Variants in KALRN observed in about 807,000 individuals in gnomAD.
KALRN encodes kalirin RhoGEF kinase.
A neutral mutation model predicts 353.7 loss-of-function variants in KALRN; 70 were observed. The ratio of observed to expected loss-of-function variants is 0.20; its 90% CI spans 0.16 to 0.24. The LOEUF (loss-of-function observed/expected upper bound fraction) is 0.24, where lower values mean the gene tolerates loss of function less well. Among genes scored for constraint, KALRN ranks in the 10% least tolerant of loss-of-function variants. KALRN has a pLI of 1.00. For missense variants in KALRN, 2,791 were observed against 3,756.7 expected, an observed-to-expected ratio of 0.74 and a Z score of 6.72; for synonymous variants, 1,391 against 1,434.8, an observed-to-expected ratio of 0.97 and a Z score of 0.69.
intron 1 of KALRN, among the ~76,000 whole-genome samples, chr3:124,150,040 G>T (rs2067884008): frequency 6.6e-6 from 1 of 152,204 alleles, no homozygotes; most frequent in African/African-American, 2.4e-5. Flanking sequence ...GCCACTGGCT[G>T]AAGCCTTCCA....
chr3:124,606,758 A>G (rs2077387402), intron 34 of KALRN, among the ~76,000 whole-genome samples: 3 of 152,238 alleles, frequency 2.0e-5, no homozygotes, highest in Non-Finnish European at 4.4e-5. Context: ...CCCAGAATGT[A>G]TGAAGAGTTC....
rs141860179 is a variant in KALRN, at chr3:124,290,761, T to C, written c.970-8030T>C. Among the ~76,000 whole-genome samples the C allele has an allele frequency of 4.9e-4, 74 of 152,326 alleles. 1 individual carries two copies. The highest frequency in any genetic ancestry group is 8.7e-4 in the Non-Finnish European group (59 of 68,030). Reference sequence around the variant, plus strand: ...TAGGAGGATTAAGTGAGTTAATATATATAAAGTGCTTAGTACAGTACCTGT... The same window carrying C: ...TAGGAGGATTAAGTGAGTTAATATACATAAAGTGCTTAGTACAGTACCTGT... On this transcript the variant is annotated intron_variant, in intron 5 of 59. Coordinates refer to ENST00000682506, the MANE Select transcript of KALRN (RefSeq NM_001388419.1).
chr3:124,505,947 A>C (rs1199032079), intron 33 of KALRN, among the ~76,000 whole-genome samples: 1 of 152,178 alleles, frequency 6.6e-6, no homozygotes, highest in Non-Finnish European at 1.5e-5. Flanking sequence ...GTGTCACTTC[A>C]TCACTTCTGG....
intron 1 of KALRN, among the ~76,000 whole-genome samples, chr3:124,103,286 C>G (rs2062022601): frequency 6.6e-6 from 1 of 152,120 alleles, no homozygotes; most frequent in Non-Finnish European, 1.5e-5. Flanking sequence ...GTGTTTCCAT[C>G]CAGTGGGGTG....
At chr3:124,677,021 A>G (rs2087270879) in intron 49 of KALRN, among the ~76,000 whole-genome samples, 1 of 152,176 alleles carries the variant, frequency 6.6e-6, no homozygotes, top group South Asian at 2.1e-4. Context: ...TATTTTTGGA[A>G]CACCTTCCTC....
chr3:124,055,404 A>G (rs182515447), intron 1 of KALRN, among the ~76,000 whole-genome samples: 1 of 152,072 alleles, frequency 6.6e-6, no homozygotes, highest in Admixed American at 6.5e-5. Context: ...AGGTCATCTA[A>G]TTTCTTCTCT....
At chr3:124,112,053 C>G (rs1364301438) in intron 1 of KALRN, among the ~76,000 whole-genome samples, 1 of 152,046 alleles carries the variant, frequency 6.6e-6, no homozygotes, top group Non-Finnish European at 1.5e-5. Flanking sequence ...CCTGTAATCT[C>G]AGCATTTGGG....
intron 33 of KALRN, among the ~76,000 whole-genome samples, chr3:124,521,034 A>C (rs539850659): frequency 6.6e-6 from 1 of 152,292 alleles, no homozygotes; most frequent in Non-Finnish European, 1.5e-5. Context: ...AGGTGTTCAC[A>C]TCAAGGAACT....
At chr3:124,169,390 G>T (rs551814738) in intron 1 of KALRN, among the ~76,000 whole-genome samples, 1 of 152,234 alleles carries the variant, frequency 6.6e-6, no homozygotes, top group East Asian at 1.9e-4. Flanking sequence ...ACAGGGTAAG[G>T]GCTCACAGGA....
chr3:124,693,826 A>T lies in KALRN; in HGVS notation c.7400A>T (p.Gln2467Leu). 6.4e-7 allele frequency: 1 copy of T among 1,572,276 alleles called. No homozygotes were observed. Among genetic ancestry groups the T allele is most frequent in the South Asian group, 1.1e-5 (1 of 87,414 alleles). Residue 2467 changes from glutamine to leucine, a missense_variant, in exon 52 of 60, where the codon CAA (glutamine) becomes CTA (leucine). Physicochemically the swap from Gln to Leu is moderately radical, Grantham distance 113. Transcript: ENST00000682506. ...CAGATCTTAAATCCAAATTTCATCCAAGAAGGTGAGTTAAAAAGCATTAGA... is the reference window on the plus strand; with the variant it reads ...CAGATCTTAAATCCAAATTTCATCCTAGAAGGTGAGTTAAAAAGCATTAGA... Reference protein sequence around the residue: ...SMEILNPNFIQEVAPEFLVPL... With the variant: ...SMEILNPNFILEVAPEFLVPL...
intron 25 of KALRN, among the ~76,000 whole-genome samples, chr3:124,464,029 TATC>T (rs1432663873): frequency 3.9e-5 from 6 of 152,198 alleles, no homozygotes; most frequent in African/African-American, 1.4e-4. Flanking sequence ...GATGTAGAAA[TATC>T]ATGTCCTCAT....
At chr3:124,141,350 T>A (rs2066604868) in intron 1 of KALRN, among the ~76,000 whole-genome samples, 1 of 152,192 alleles carries the variant, frequency 6.6e-6, no homozygotes, top group Non-Finnish European at 1.5e-5. Context: ...CCAACCCCAC[T>A]TTTTTATACT....
intron 14 of KALRN, among the ~76,000 whole-genome samples, chr3:124,418,091 T>A (rs1414814133): frequency 6.6e-6 from 1 of 152,046 alleles, no homozygotes; most frequent in Non-Finnish European, 1.5e-5. Flanking sequence ...GTAAAAATAA[T>A]GGAGCACAAA....
chr3:124,630,472 C>T (rs905176306), intron 34 of KALRN, among the ~76,000 whole-genome samples: 3 of 152,128 alleles, frequency 2.0e-5, no homozygotes, highest in African/African-American at 4.8e-5. Context: ...TCTTGGCTCA[C>T]TGCAACCTCC....
chr3:124,623,427 C>CAAA (rs1554055242), intron 34 of KALRN, among the ~76,000 whole-genome samples: 9 of 147,016 alleles, frequency 6.1e-5, no homozygotes, highest in Admixed American at 6.8e-5. Context: ...CACACACACA[C>CAAA]AAAAGGGAGT....
chr3:124,084,555 G>A (rs2060707548), intron 1 of KALRN, among the ~76,000 whole-genome samples: 1 of 152,214 alleles, frequency 6.6e-6, no homozygotes, highest in Non-Finnish European at 1.5e-5. Flanking sequence ...TACAGTTTTA[G>A]CACATCTGTC....
intron 11 of KALRN, among the ~76,000 whole-genome samples, chr3:124,385,753 T>A (rs1263896047): frequency 6.6e-6 from 1 of 152,024 alleles, no homozygotes; most frequent in African/African-American, 2.4e-5. Flanking sequence ...GAGAGGAGGA[T>A]GGTTGCAAAC....
intron 5 of KALRN, among the ~76,000 whole-genome samples, chr3:124,283,767 G>A (rs2075570759): frequency 6.6e-6 from 1 of 152,176 alleles, no homozygotes; most frequent in South Asian, 2.1e-4. Flanking sequence ...TTAAGGCTTA[G>A]CATTGAGTGT....
intron 1 of KALRN, among the ~76,000 whole-genome samples, chr3:124,226,065 A>G (rs899716103): frequency 6.6e-6 from 1 of 152,228 alleles, no homozygotes; most frequent in Non-Finnish European, 1.5e-5. Context: ...TATTTCACAA[A>G]GGAAAATCAT....
Sources: allele counts gnomAD v4.1 joint callset (sites outside exome capture counted in the v4.1 genomes callset), GRCh38; gene constraint gnomAD v4.1.1; transcripts MANE v1.5; gene names NCBI Gene and HGNC (gene_info 2026-07-23, HGNC 2026-07-21).